Variants in ZDHHC8 observed in about 807,000 individuals in gnomAD.
ZDHHC8 encodes zDHHC palmitoyltransferase 8.
A neutral mutation model predicts 61.2 loss-of-function variants in ZDHHC8; 24 were observed. The ratio of observed to expected loss-of-function variants is 0.39; its 90% confidence interval spans 0.28 to 0.55. ZDHHC8 has a LOEUF of 0.55. ZDHHC8 is among the 20% of genes least tolerant of loss of function. The pLI is 0.60. For synonymous variants in ZDHHC8, 523 were observed against 492.5 expected, an observed-to-expected ratio of 1.06 and a Z score of -0.82; for missense variants, 935 against 1,102.1, an observed-to-expected ratio of 0.85 and a Z score of 2.15.
intron 9 of ZDHHC8, among the ~76,000 whole-genome samples, chr22:20,141,840 G>A (rs1248784024): frequency 6.6e-6 from 1 of 152,242 alleles, no homozygotes; most frequent in Non-Finnish European, 1.5e-5. Context: ...CCCTAGGCCA[G>A]GTGGGCGGCT....
chr22:20,136,130 C>T lies in ZDHHC8; in HGVS notation c.105-3064C>T, dbSNP rs959485837. Among the ~76,000 whole-genome samples, 4 of 152,322 alleles carry T rather than the reference C, an allele frequency of 2.6e-5. No individual in the cohort carries two copies. In the East Asian group the frequency reaches 7.7e-4, roughly 29 times the overall value. ...TGGGCCCCCTGGACCTGCCCTCCAC[C>T]CGTAGCTTGGCTGGAGCCAGCCAGG... is the stretch of plus-strand genomic sequence containing the variant. On this transcript the variant is annotated intron_variant, in intron 1 of 10. Transcript: ENST00000334554.
chr22:20,140,076 G>A, intron 4 of ZDHHC8, 39 bp from the exon 5 acceptor site: 1 of 1,608,006 alleles, frequency 6.2e-7, no homozygotes, highest in South Asian at 1.1e-5. Flanking sequence ...GATGGGGTCT[G>A]CGGTGTCCTG....
chr22:20,145,482 C>G lies in ZDHHC8; in HGVS notation c.*82C>G, dbSNP rs1345823620. On this transcript the variant is annotated 3_prime_UTR_variant, in exon 11 of 11. Coordinates refer to ENST00000334554, the MANE Select transcript of ZDHHC8 (RefSeq NM_013373.4). ...CCCCCCCTCCCCACCAACTTCTCTGCCCCAGGGACCCGAGGCCACCCCAGC... is the reference window on the plus strand; with the variant it reads ...CCCCCCCTCCCCACCAACTTCTCTGGCCCAGGGACCCGAGGCCACCCCAGC... 35 of 1,342,276 alleles carry G rather than the reference C, an allele frequency of 2.6e-5. No individual in the cohort carries two copies. The highest frequency in any genetic ancestry group is 4.6e-5 in the African/African-American group (3 of 65,330). 83.1% of individuals were successfully genotyped at this position (1,342,276 alleles called of 1,614,324 possible).
At chr22:20,137,898 G>A (rs1356395795) in intron 1 of ZDHHC8, among the ~76,000 whole-genome samples, 1 of 152,248 alleles carries the variant, frequency 6.6e-6, no homozygotes, top group Non-Finnish European at 1.5e-5. Flanking sequence ...AGGTGTGGCC[G>A]CAGCTGTGTC....
At position 20,142,747 on chromosome 22, in the gene ZDHHC8, TC is replaced by T. The variant is rs763560120; in HGVS notation, c.1126-6del. The T allele has an allele frequency of 5.6e-6, 9 of 1,611,908 alleles. No individual in the cohort carries two copies. The highest frequency in any genetic ancestry group is 2.7e-5 in the African/African-American group (2 of 74,860). ...GGTGGGCAGTGGTGAGAATGCCTTC[TC>T]CCTACAGGTTCCAGGCCCTGATTCC... is the stretch of plus-strand genomic sequence containing the variant. On this transcript the variant is annotated splice_polypyrimidine_tract_variant and splice_region_variant and intron_variant, in intron 9 of 10. Transcript: ENST00000334554.
chr22:20,141,957 C>T (rs1228609286), intron 9 of ZDHHC8, among the ~76,000 whole-genome samples: 1 of 152,226 alleles, frequency 6.6e-6, no homozygotes, highest in Non-Finnish European at 1.5e-5. Flanking sequence ...TGAGAAAGCA[C>T]ATTTCTCTTC....
chr22:20,147,031 G>A lies in ZDHHC8; in HGVS notation c.*1631G>A. 1 of 1,428,812 alleles carries A rather than the reference G, an allele frequency of 7.0e-7. No individual in the cohort carries two copies. Among genetic ancestry groups the A allele is most frequent in the Non-Finnish European group, 9.1e-7 (1 of 1,093,474 alleles). 88.5% of individuals were successfully genotyped at this position (1,428,812 alleles called of 1,614,324 possible). On this transcript the variant is annotated 3_prime_UTR_variant, in exon 11 of 11. Coordinates refer to ENST00000334554, the MANE Select transcript of ZDHHC8 (RefSeq NM_013373.4). ...CGCCGCGGCCCGCAGGGGGCGGATT[G>A]GCACCTGCACCCGTGGATGGGGGCG...
At chr22:20,140,536 C>G in intron 5 of ZDHHC8, 81 bp from the exon 6 acceptor site, 1 of 1,400,308 alleles carries the variant, frequency 7.1e-7, no homozygotes, top group South Asian at 1.5e-5. Context: ...TCTAAGGAAC[C>G]CCAGCTCCCT....
rs1173087792 is a variant in ZDHHC8 at position 20,132,020 on chromosome 22, G to C, written c.73G>C (p.Val25Leu). Residue 25 changes from valine to leucine, a missense_variant, in exon 1 of 11, where the codon GTC becomes CTC. By Grantham distance (32) the Val-to-Leu change is conservative. Transcript: ENST00000334554. The part of the protein sequence containing the change: ...IPVATAAALL[V>L]GSSTLFFVFT... ...GGTGGCCACGGCCGCCGCGCTGCTG[G>C]TCGGCTCCAGCACCCTCTTCTTCGT... 1 of 1,389,944 alleles carries C rather than the reference G, an allele frequency of 7.2e-7. No homozygotes were observed. The highest frequency in any genetic ancestry group is 9.5e-7 in the Non-Finnish European group (1 of 1,056,196). 86.1% of individuals were successfully genotyped at this position (1,389,944 alleles called of 1,614,324 possible).
Position 20,146,465 on chromosome 22 carries a change from T to C in ZDHHC8, c.*1065T>C, listed in dbSNP as rs2050525436. 2 of 985,964 alleles carry C rather than the reference T, an allele frequency of 2.0e-6. No homozygotes were observed. Among genetic ancestry groups the C allele is most frequent in the South Asian group, 9.4e-5 (2 of 21,306 alleles). The allele number at this position is 985,964 out of a possible 1,614,324, so 61.1% of individuals were successfully genotyped here. On this transcript the variant is annotated 3_prime_UTR_variant, in exon 11 of 11. Coordinates refer to ENST00000334554, the MANE Select transcript of ZDHHC8 (RefSeq NM_013373.4). ...AAAAGAAAAAGAGTTATTTTGATTC[T>C]TTCCTTGGGCAAGGCCAGGGCTATT...
chr22:20,146,884 T>C lies in ZDHHC8; in HGVS notation c.*1484T>C. ...CATGCCAGGGGCAGGGCTGAGGGAGTGTGAGGGATGCACAGCTGTTCAGGG... is the reference window on the plus strand; with the variant it reads ...CATGCCAGGGGCAGGGCTGAGGGAGCGTGAGGGATGCACAGCTGTTCAGGG... On this transcript the variant is annotated 3_prime_UTR_variant, in exon 11 of 11. Transcript: ENST00000334554. 1 of 1,279,012 alleles carries C rather than the reference T, an allele frequency of 7.8e-7. No homozygotes were observed. The allele number at this position is 1,279,012 out of a possible 1,614,324, so 79.2% of individuals were successfully genotyped here. A position where few individuals can be genotyped will look rare whatever the true frequency, so the allele number is the denominator to read the frequency against.
At position 20,143,181 on chromosome 22, in the gene ZDHHC8, G is replaced by A. The variant is rs1602574895; in HGVS notation, c.1551G>A (p.Pro517=). 3.1e-6 allele frequency: 5 copies of A among 1,610,064 alleles called. No individual in the cohort carries two copies. The highest frequency in any genetic ancestry group is 1.1e-5 in the South Asian group (1 of 91,040). ...TGCATCCTGGGGCAACGGGCGACCC[G>A]CCACGGCCCCTACCCCGCAGCTTCA... is the stretch of plus-strand genomic sequence containing the variant. ...PYLHPGATGD[P]PRPLPRSFSP... Residue 517 remains proline, a synonymous_variant, in exon 10 of 11, where the codon CCG becomes CCA. Coordinates refer to ENST00000334554, the MANE Select transcript of ZDHHC8 (RefSeq NM_013373.4).
Position 20,143,149 on chromosome 22 carries a change from C to T in ZDHHC8, c.1519C>T (p.Pro507Ser). 1 of 1,611,844 alleles carries T rather than the reference C, an allele frequency of 6.2e-7. No homozygotes were observed. The highest frequency in any genetic ancestry group is 8.5e-7 in the Non-Finnish European group (1 of 1,179,812). ...AGTTGGCGTGGCCGGATACCACTCA[C>T]CCTACCTGCATCCTGGGGCAACGGG... is the stretch of plus-strand genomic sequence containing the variant. ...PAVGVAGYHSPYLHPGATGDP... is the reference protein window; with the variant it reads ...PAVGVAGYHSSYLHPGATGDP... The change falls in exon 10 of 11, where the codon CCC becomes TCC. Residue 507 changes from proline (P) to serine (S), a missense_variant. By Grantham distance (74) the Pro-to-Ser change is moderately conservative. Around this residue, in one of 3 missense-constraint regions of ZDHHC8, gnomAD observed 692 missense variants for 731.4 expected, o/e 0.95. Transcript: ENST00000334554.
At chr22:20,140,065 C>T (rs779009220) in intron 4 of ZDHHC8, 50 bp from the exon 5 acceptor site, 51 of 1,603,978 alleles carry the variant, frequency 3.2e-5, no homozygotes, top group Non-Finnish European at 3.9e-5. Context: ...TGTGCTGCTG[C>T]GATGGGGTCT....
intron 9 of ZDHHC8, among the ~76,000 whole-genome samples, chr22:20,141,768 G>C (rs1169119928): frequency 6.6e-6 from 1 of 152,206 alleles, no homozygotes; most frequent in Non-Finnish European, 1.5e-5. Context: ...GGGGAGCAGG[G>C]TGTCCTGGGA....
At position 20,145,332 on chromosome 22, in the gene ZDHHC8, C is replaced by T. The variant is rs2050511755; in HGVS notation, c.2230C>T (p.Pro744Ser). 6 of 1,597,602 alleles carry T rather than the reference C, an allele frequency of 3.8e-6. No individual in the cohort carries two copies. Among genetic ancestry groups the T allele is most frequent in the African/African-American group, 1.4e-5 (1 of 73,946 alleles). The change falls in exon 11 of 11, where the codon CCT (proline) becomes TCT (serine). Residue 744 changes from proline to serine, a missense_variant. By Grantham distance (74) the Pro-to-Ser change is moderately conservative. Around this residue, in one of 3 missense-constraint regions of ZDHHC8, gnomAD observed 692 missense variants for 731.4 expected, o/e 0.95. Transcript: ENST00000334554. ...CGGCCCCCCAGGGCCCTCTGCCAGCCCTACACGGCACACGCTGGTTAAGAA... is the reference window on the plus strand; with the variant it reads ...CGGCCCCCCAGGGCCCTCTGCCAGCTCTACACGGCACACGCTGGTTAAGAA... The part of the protein sequence containing the change: ...ATGPPGPSAS[P>S]TRHTLVKKVS...
intron 1 of ZDHHC8, among the ~76,000 whole-genome samples, chr22:20,134,850 G>A (rs755918857): frequency 6.6e-6 from 1 of 152,186 alleles, no homozygotes; most frequent in Non-Finnish European, 1.5e-5. Flanking sequence ...CAGTTGTGAA[G>A]AGCACCCTCT....
intron 1 of ZDHHC8, among the ~76,000 whole-genome samples, chr22:20,135,351 C>T (rs1004049603): frequency 1.3e-5 from 2 of 152,150 alleles, no homozygotes; most frequent in South Asian, 2.1e-4. Context: ...TCGAAGACCC[C>T]TAGGCCAGGC....
In ZDHHC8 at chr22:20,146,040, G is replaced by A. The variant is rs1410170019; in HGVS notation, c.*640G>A. ...GGCTCCATGTGTCCCGTGTCTGTGT[G>A]CTGTGCTGCCGCGCCGTGTCTGATG... On this transcript the variant is annotated 3_prime_UTR_variant, in exon 11 of 11. Coordinates refer to ENST00000334554, the MANE Select transcript of ZDHHC8 (RefSeq NM_013373.4). 8.1e-6 allele frequency: 8 copies of A among 986,020 alleles called. No individual in the cohort carries two copies. The South Asian group carries it at 3.8e-4, about 46-fold the overall frequency. The allele number at this position is 986,020 out of a possible 1,614,324, so 61.1% of individuals were successfully genotyped here. A position where few individuals can be genotyped will look rare whatever the true frequency, so the allele number is the denominator to read the frequency against.
Sources: gnomAD v4.1 joint callset for allele counts (sites outside exome capture counted in the v4.1 genomes callset) on GRCh38, gnomAD v4.1.1 for gene constraint, gnomAD v4.1.1 regional missense constraint, MANE v1.5 for transcripts, NCBI Gene and HGNC (gene_info 2026-07-23, HGNC 2026-07-21) for gene names.